Variants in PRTG observed in about 807,000 individuals in gnomAD.
PRTG encodes protogenin, also known as immunoglobulin superfamily, DCC subclass, member 5.
A neutral mutation model predicts 122.5 loss-of-function variants in PRTG; 67 were observed. The observed-to-expected ratio is 0.55, with a 90% CI of 0.45 to 0.67. The LOEUF (loss-of-function observed/expected upper bound fraction) is 0.67, where lower values mean the gene tolerates loss of function less well. Among genes scored for constraint, PRTG ranks in the 30% least tolerant of loss-of-function variants. The pLI is 0.00. For missense variants in PRTG, 1,435 were observed against 1,415.4 expected, an observed-to-expected ratio of 1.01 and a Z score of -0.22; for synonymous variants, 554 against 501.1, an observed-to-expected ratio of 1.11 and a Z score of -1.41.
intron 4 of PRTG, 64 bp downstream of exon 4, chr15:55,682,300 G>A: frequency 7.6e-7 from 1 of 1,319,388 alleles, no homozygotes; most frequent in Non-Finnish European, 1.0e-6. Flanking sequence ...TACAGCAGAG[G>A]AGAAGAAGTA....
chr15:55,679,380 C>T lies in PRTG; in HGVS notation c.1039G>A (p.Val347Met), dbSNP rs1169461282. The T allele has an allele frequency of 1.2e-6, 2 of 1,613,520 alleles. No homozygotes were observed. The highest frequency in any genetic ancestry group is 1.3e-5 in the African/African-American group (1 of 75,008). ...TRPRAGTARF[V>M]CQAEGIPSPK... ...GAGGGGATTCCTTCTGCCTGACACA[C>T]AAATCGAGCAGTGCCAGCTCGAGGC... is the stretch of plus-strand genomic sequence containing the variant. The change falls in exon 7 of 20, where the codon GTG (valine) becomes ATG (methionine). Residue 347 changes from valine to methionine, a missense_variant. Physicochemically the swap from Val to Met is conservative, Grantham distance 21 (BLOSUM62 1). Transcript: ENST00000389286.
At chr15:55,675,949 C>T (rs145789280) in intron 8 of PRTG, among the ~76,000 whole-genome samples, 181 of 152,184 alleles carry the variant, frequency 1.2e-3, no homozygotes, top group African/African-American at 4.2e-3. Flanking sequence ...TAGTCAAAAC[C>T]CACAGCAGAG....
intron 11 of PRTG, among the ~76,000 whole-genome samples, chr15:55,669,098 C>A (rs534359879): frequency 6.6e-6 from 1 of 151,324 alleles, no homozygotes; most frequent in South Asian, 2.1e-4. Flanking sequence ...AAACAAAGAA[C>A]TGTGTGTATT....
At chr15:55,720,927 C>T (rs1010091299) in intron 2 of PRTG, among the ~76,000 whole-genome samples, 1 of 152,128 alleles carries the variant, frequency 6.6e-6, no homozygotes, top group East Asian at 1.9e-4. Flanking sequence ...TCCTGACTCC[C>T]AACTGCTTTC....
At chr15:55,736,796 T>G (rs2031426674) in intron 2 of PRTG, among the ~76,000 whole-genome samples, 3 of 152,168 alleles carry the variant, frequency 2.0e-5, no homozygotes, top group Admixed American at 2.0e-4. Context: ...TAAGCTAGCT[T>G]TATGTTCTTT....
Position 55,742,897 on chromosome 15 carries a change from C to T in PRTG, c.35G>A (p.Arg12Gln). Residue 12 changes from arginine to glutamine, a missense_variant, in exon 1 of 20, where the codon CGA becomes CAA. Arg to Gln is a conservative substitution (Grantham distance 43, BLOSUM62 1). Coordinates refer to ENST00000389286, the MANE Select transcript of PRTG (RefSeq NM_173814.6). ...APPLRPLARL[R>Q]PPGMLLRALL... ...CGCGCGGAGCAGCATCCCCGGCGGT[C>T]GCAGCCGGGCGAGGGGTCGCAGAGG... 2 of 1,530,018 alleles carry T rather than the reference C, an allele frequency of 1.3e-6. No homozygotes were observed. The highest frequency in any genetic ancestry group is 1.8e-6 in the Non-Finnish European group (2 of 1,137,854). 94.8% of individuals were successfully genotyped at this position (1,530,018 alleles called of 1,614,324 possible). A position where few individuals can be genotyped will look rare whatever the true frequency, so the allele number is the denominator to read the frequency against.
chr15:55,686,619 G>C (rs2059572085), intron 2 of PRTG, among the ~76,000 whole-genome samples: 1 of 151,972 alleles, frequency 6.6e-6, no homozygotes, highest in South Asian at 2.1e-4. Flanking sequence ...CTCTTAGCTG[G>C]TATCTCCCCT....
Position 55,615,094 on chromosome 15 carries a change from T to A in PRTG, c.*4918A>T, listed in dbSNP as rs1431606261. The A allele has an allele frequency of 6.6e-6, 1 of 152,084 alleles. No individual in the cohort carries two copies. Among genetic ancestry groups the A allele is most frequent in the Non-Finnish European group, 1.5e-5 (1 of 67,982 alleles). The allele number at this position is 152,084 out of a possible 1,614,324, so 9.4% of individuals were successfully genotyped here. On this transcript the variant is annotated 3_prime_UTR_variant, in exon 20 of 20. Transcript: ENST00000389286. ...GCTGGGGTTGGACAAAGAGAAATGA[T>A]AACGGAAGGAGCTTCAGAGAGATGC...
chr15:55,683,039 C>CT (rs796191540), intron 3 of PRTG, among the ~76,000 whole-genome samples: 10 of 152,282 alleles, frequency 6.6e-5, no homozygotes, highest in African/African-American at 2.2e-4. Context: ...TTTGTGCAAT[C>CT]TATCAGTCGA....
Position 55,693,670 on chromosome 15 carries a change from T to A in PRTG, c.398-9739A>T, listed in dbSNP as rs189888681. 1.2e-4 allele frequency among the ~76,000 whole-genome samples: 19 copies of A among 152,304 alleles called. 1 individual carries two copies. The highest frequency in any genetic ancestry group is 6.5e-4 in the Admixed American group (10 of 15,304). On this transcript the variant is annotated intron_variant, in intron 2 of 19. Transcript: ENST00000389286. The stretch of plus-strand genomic sequence containing the variant: ...GAGCTGTGTGTCCTGGAGATGTTAC[T>A]CAATCTCAAGCCTCAGTATCCCTCA...
At chr15:55,697,018 C>T (rs533226901) in intron 2 of PRTG, among the ~76,000 whole-genome samples, 5 of 152,270 alleles carry the variant, frequency 3.3e-5, no homozygotes, top group South Asian at 4.1e-4. Flanking sequence ...TATTTTAAAA[C>T]GCACCTTTAA....
Position 55,614,282 on chromosome 15 carries a change from A to C in PRTG, c.*5730T>G, listed in dbSNP as rs1211947785. ...ACAAGAAAGATCAAATTTCCTAGGAAATGTATATACATGCTGATGGCATAA... is the reference window on the plus strand; with the variant it reads ...ACAAGAAAGATCAAATTTCCTAGGACATGTATATACATGCTGATGGCATAA... On this transcript the variant is annotated 3_prime_UTR_variant, in exon 20 of 20. Transcript: ENST00000389286. 1 of 152,062 alleles carries C rather than the reference A, an allele frequency of 6.6e-6. No homozygotes were observed. The highest frequency in any genetic ancestry group is 1.5e-5 in the Non-Finnish European group (1 of 67,972). The allele number at this position is 152,062 out of a possible 1,614,324, so 9.4% of individuals were successfully genotyped here.
Position 55,715,313 on chromosome 15 carries a change from C to T in PRTG, c.397+25069G>A, listed in dbSNP as rs1376910378. Among the ~76,000 whole-genome samples, 3 of 152,302 alleles carry T rather than the reference C, an allele frequency of 2.0e-5. No homozygotes were observed. The East Asian group carries it at 5.8e-4, about 29-fold the overall frequency. ...TTCAGGCTAATCAGGATATTTTCCA[C>T]TTGCCTCCAGGGATATAAATACTCT... is the stretch of plus-strand genomic sequence containing the variant. On this transcript the variant is annotated intron_variant, in intron 2 of 19. Coordinates refer to ENST00000389286, the MANE Select transcript of PRTG (RefSeq NM_173814.6).
At chr15:55,723,633 T>C (rs1174355450) in intron 2 of PRTG, among the ~76,000 whole-genome samples, 3 of 152,068 alleles carry the variant, frequency 2.0e-5, no homozygotes, top group Non-Finnish European at 4.4e-5. Flanking sequence ...TAGAAATACA[T>C]TTATAATCGA....
rs944262266 is a variant in PRTG, at chr15:55,611,807, T to G, written c.*8205A>C. ...ATACATTCAAAATCAAGGCAAACAT[T>G]TGCTTTCTTCGTGCAATGGCATTCA... On this transcript the variant is annotated 3_prime_UTR_variant, in exon 20 of 20. Coordinates refer to ENST00000389286, the MANE Select transcript of PRTG (RefSeq NM_173814.6). 2.0e-5 allele frequency: 3 copies of G among 151,974 alleles called. No individual in the cohort carries two copies. Among genetic ancestry groups the G allele is most frequent in the Non-Finnish European group, 4.4e-5 (3 of 67,930 alleles). The allele number at this position is 151,974 out of a possible 1,614,324, so 9.4% of individuals were successfully genotyped here. A position where few individuals can be genotyped will look rare whatever the true frequency, so the allele number is the denominator to read the frequency against.
rs1040090178 is a variant in PRTG, at chr15:55,611,623, C to A, written c.*8389G>T. 1 of 151,734 alleles carries A rather than the reference C, an allele frequency of 6.6e-6. No individual in the cohort carries two copies. The highest frequency in any genetic ancestry group is 1.5e-5 in the Non-Finnish European group (1 of 67,934). 9.4% of individuals were successfully genotyped at this position (151,734 alleles called of 1,614,324 possible). On this transcript the variant is annotated 3_prime_UTR_variant, in exon 20 of 20. Transcript: ENST00000389286. The stretch of plus-strand genomic sequence containing the variant: ...GACAGCAGTTTCATAAACATTTTGG[C>A]ATTTAAACTTTTATTCATTTTTGGC...
intron 17 of PRTG, among the ~76,000 whole-genome samples, chr15:55,626,392 G>A (rs1251085132): frequency 6.7e-6 from 1 of 149,858 alleles, no homozygotes; most frequent in Non-Finnish European, 1.5e-5. Context: ...CTGGGCGACA[G>A]AATGAGACTT....
At chr15:55,646,082 C>CCGCA in intron 11 of PRTG, among the ~76,000 whole-genome samples, 2 of 152,102 alleles carry the variant, frequency 1.3e-5, no homozygotes, top group Middle Eastern at 3.4e-3. Flanking sequence ...TCCCAGCTCA[C>CCGCA]CGCAACCTCC....
intron 2 of PRTG, among the ~76,000 whole-genome samples, chr15:55,694,831 T>C (rs1478538522): frequency 6.6e-6 from 1 of 152,216 alleles, no homozygotes; most frequent in Non-Finnish European, 1.5e-5. Context: ...CCCCAGACTT[T>C]GTTTCCGCCA....
Sources: gnomAD v4.1 joint callset for allele counts (sites outside exome capture counted in the v4.1 genomes callset) on GRCh38, gnomAD v4.1.1 for gene constraint, MANE v1.5 for transcripts, NCBI Gene and HGNC (gene_info 2026-07-23, HGNC 2026-07-21) for gene names.